Variants in ST7 observed in about 807,000 individuals in gnomAD.
ST7 encodes suppressor of tumorigenicity 7 protein.
In ST7, 28 loss-of-function variants were observed where a neutral mutation model predicts 78.7. The ratio of observed to expected loss-of-function variants is 0.36; its 90% CI spans 0.26 to 0.49. The LOEUF is 0.49. Ranked by LOEUF, ST7 falls within the 20% of genes least tolerant of loss-of-function variation. ST7 has a pLI of 0.99. For missense variants in ST7, 418 were observed against 696.0 expected (o/e 0.60, Z 4.49); for synonymous variants, 247 against 249.6 (o/e 0.99, Z 0.10).
intron 1 of ST7, among the ~76,000 whole-genome samples, chr7:117,023,386 C>T (rs1796027670): frequency 6.6e-6 from 1 of 152,302 alleles, no homozygotes; most frequent in East Asian, 1.9e-4. Context: ...CCTGACACTG[C>T]TTTCATCAAT....
At chr7:117,223,274 G>T (rs1793229810) in intron 15 of ST7, 1 of 376,046 alleles carries the variant, frequency 2.7e-6, no homozygotes, top group African/African-American at 2.1e-5. Flanking sequence ...GTCTTAACTG[G>T]TCTCCTTGCT....
chr7:116,980,855 G>A (rs1793927320), intron 1 of ST7, among the ~76,000 whole-genome samples: 1 of 152,202 alleles, frequency 6.6e-6, no homozygotes, highest in African/African-American at 2.4e-5. Flanking sequence ...TTGTTAATCA[G>A]AAATTGGTAC....
At chr7:117,136,422 A>G in intron 8 of ST7, 187 bp downstream of exon 8, 1 of 658,586 alleles carries the variant, frequency 1.5e-6, no homozygotes, top group Non-Finnish European at 2.6e-6. Context: ...TTACAGCTTC[A>G]TTGCTGTTTA....
At chr7:117,149,257 T>C (rs1806053235) in intron 9 of ST7, among the ~76,000 whole-genome samples, 1 of 152,152 alleles carries the variant, frequency 6.6e-6, no homozygotes, top group South Asian at 2.1e-4. Context: ...TAGTAGGACA[T>C]CTTTACTCTT....
intron 9 of ST7, among the ~76,000 whole-genome samples, chr7:117,162,464 G>T (rs982291591): frequency 6.7e-6 from 1 of 149,390 alleles, no homozygotes; most frequent in Admixed American, 6.6e-5. Flanking sequence ...CACTATTTAT[G>T]ATGGGATTTT....
At chr7:117,215,707 T>G (rs1792638445) in intron 13 of ST7, among the ~76,000 whole-genome samples, 1 of 152,210 alleles carries the variant, frequency 6.6e-6, no homozygotes, top group Non-Finnish European at 1.5e-5. Context: ...ATGACTCCCT[T>G]GGAGGTATTC....
At chr7:117,220,181 G>GC (rs1792984074) in intron 14 of ST7, among the ~76,000 whole-genome samples, 1 of 152,204 alleles carries the variant, frequency 6.6e-6, no homozygotes, top group African/African-American at 2.4e-5. Flanking sequence ...AGCCAGTCAT[G>GC]AATCTCCAGC....
At position 117,133,995 on chromosome 7, in the gene ST7, T is replaced by C. The variant is rs541658753; in HGVS notation, c.642-129T>C. 2.2e-5 allele frequency: 28 copies of C among 1,259,652 alleles called. 1 individual carries two copies. In the East Asian group the frequency reaches 6.6e-4, roughly 30 times the overall value. 78.0% of individuals were successfully genotyped at this position (1,259,652 alleles called of 1,614,324 possible). ...ATCTCATGCCATTGAATCATGCCTC[T>C]TTTCTTTGAATTTTTTGAAGTCCAC... is the stretch of plus-strand genomic sequence containing the variant. On this transcript the variant is annotated intron_variant, in intron 6 of 15. Coordinates refer to ENST00000323984, the MANE Select transcript of ST7 (RefSeq NM_001369598.1).
At position 117,172,786 on chromosome 7, in the gene ST7, A is replaced by G. The variant is rs144579438; in HGVS notation, c.1078+1810A>G. 1.4e-3 allele frequency among the ~76,000 whole-genome samples: 219 copies of G among 152,354 alleles called. 1 individual carries two copies. The highest frequency in any genetic ancestry group is 4.8e-3 in the African/African-American group (200 of 41,584). On this transcript the variant is annotated intron_variant, in intron 10 of 15. Coordinates refer to ENST00000323984, the MANE Select transcript of ST7 (RefSeq NM_001369598.1). ...GCCATCAATGCCATAGCAATCCTTA[A>G]TGCTGACCTATACTCAATCTGATGT...
At chr7:117,092,744 A>C (rs1800728554) in intron 1 of ST7, among the ~76,000 whole-genome samples, 1 of 152,228 alleles carries the variant, frequency 6.6e-6, no homozygotes, top group Admixed American at 6.5e-5. Flanking sequence ...CTGCTAGACT[A>C]ACTTATCTCG....
intron 1 of ST7, among the ~76,000 whole-genome samples, chr7:117,043,986 T>C (rs1016152757): frequency 1.1e-4 from 17 of 152,214 alleles, no homozygotes; most frequent in South Asian, 6.2e-4. Context: ...CATACTCTTA[T>C]CAGGGACTAC....
At chr7:117,111,971 C>T (rs1802464868) in intron 2 of ST7, among the ~76,000 whole-genome samples, 1 of 151,912 alleles carries the variant, frequency 6.6e-6, no homozygotes, top group Admixed American at 6.5e-5. Flanking sequence ...TTCCTATATC[C>T]CTATTAAAAT....
At chr7:117,096,823 G>C (rs913781707) in intron 1 of ST7, among the ~76,000 whole-genome samples, 7 of 152,088 alleles carry the variant, frequency 4.6e-5, no homozygotes, top group African/African-American at 1.4e-4. Context: ...AAATGAATAG[G>C]TTATTAAATG....
At chr7:117,097,673 T>G (rs1801158909) in intron 1 of ST7, among the ~76,000 whole-genome samples, 2 of 151,312 alleles carry the variant, frequency 1.3e-5, no homozygotes, top group Non-Finnish European at 2.9e-5. Flanking sequence ...ACTCATAGTG[T>G]GGAGGGAAAT....
At chr7:117,072,361 A>G (rs940946932) in intron 1 of ST7, 2 of 152,110 alleles carry the variant, frequency 1.3e-5, no homozygotes, top group Non-Finnish European at 2.9e-5. Context: ...AAGATTCTAG[A>G]CTGATGGAAA....
chr7:117,108,113 C>CT (rs1037698182), intron 2 of ST7, among the ~76,000 whole-genome samples: 4 of 151,128 alleles, frequency 2.6e-5, no homozygotes, highest in African/African-American at 4.9e-5. Flanking sequence ...ATCTATTTAT[C>CT]TTTTTTTTTG....
In ST7 at chr7:117,219,480, T is replaced by C. The variant is rs547040918; in HGVS notation, c.1498+304T>C. 2.0e-5 allele frequency among the ~76,000 whole-genome samples: 3 copies of C among 152,356 alleles called. No individual in the cohort carries two copies. The highest frequency in any genetic ancestry group is 2.1e-4 in the South Asian group (1 of 4,826). ...TGGTTTGGGCTGGTGTCTGCTGGGC[T>C]GGTCCATTGTGAGGGTTCTGCCTGG... On this transcript the variant is annotated intron_variant, in intron 14 of 15. Transcript: ENST00000323984. This position sits in a 1 kb window ranked among gnomAD's most constrained non-coding sequence, Gnocchi z 5.1.
At chr7:117,050,088 A>T (rs180719624) in intron 1 of ST7, among the ~76,000 whole-genome samples, 1 of 151,026 alleles carries the variant, frequency 6.6e-6, no homozygotes, top group Non-Finnish European at 1.5e-5. Flanking sequence ...GTTGGCAGGC[A>T]CCTGTAGTCC....
At chr7:117,129,190 G>A (rs1030765523) in intron 3 of ST7, among the ~76,000 whole-genome samples, 2 of 151,808 alleles carry the variant, frequency 1.3e-5, no homozygotes, top group Admixed American at 6.6e-5. Flanking sequence ...ATATGTATCT[G>A]TGCAAGTAAA....
Sources: gnomAD v4.1 joint callset for allele counts (sites outside exome capture counted in the v4.1 genomes callset) on GRCh38, gnomAD v4.1.1 for gene constraint, Gnocchi (gnomAD v3.1) non-coding constraint, MANE v1.5 for transcripts, NCBI Gene and HGNC (gene_info 2026-07-23, HGNC 2026-07-21) for gene names.